The following COX7C variants were observed in gnomAD, a reference collection of about 807,000 sequenced individuals.
COX7C encodes the protein cytochrome c oxidase subunit 7C, mitochondrial.
A neutral mutation model predicts 6.4 loss-of-function variants in COX7C; 1 was observed. That is an observed-to-expected ratio of 0.16 (90% CI 0.06 to 0.74). The LOEUF is 0.74. Among genes scored for constraint, COX7C ranks in the 30% least tolerant of loss-of-function variants. COX7C has a pLI of 0.78. For synonymous variants in COX7C, 24 were observed against 28.9 expected (o/e 0.83, Z 0.54); for missense variants, 54 against 73.7 (o/e 0.73, Z 0.98).
Position 86,617,988 on chromosome 5 carries a change from C to T in COX7C, c.-68C>T, listed in dbSNP as rs977666660. The T allele has an allele frequency of 6.7e-7, 1 of 1,489,098 alleles. No individual in the cohort carries two copies. Among genetic ancestry groups the T allele is most frequent in the Non-Finnish European group, 9.3e-7 (1 of 1,070,158 alleles). The allele number at this position is 1,489,098 out of a possible 1,614,324, so 92.2% of individuals were successfully genotyped here. ...GGAACAAGGTCGTGAAAAAAAAGGT[C>T]TTGGTGAGGTGCCGCCATTTCATCT... On this transcript the variant is annotated 5_prime_UTR_variant, in exon 1 of 3. Transcript: ENST00000247655.
At chr5:86,619,532 C>A in intron 2 of COX7C, 36 bp downstream of exon 2, 1 of 1,077,644 alleles carries the variant, frequency 9.3e-7, no homozygotes. Context: ...TAAAGCAGGC[C>A]TTTTTATTAA....
In COX7C at chr5:86,619,884, A is replaced by AGT. The variant is rs749231857; in HGVS notation, c.*27+388_*27+389insGT. On this transcript the variant is annotated intron_variant, in intron 2 of 2. Transcript: ENST00000247655. ...GAACTCACACTTTTAACCAGGTAAA[A>AGT]CTGATAAACTGATTAATGTTACTCT... 88 of 165,364 alleles carry AGT rather than the reference A, an allele frequency of 5.3e-4. No individual in the cohort carries two copies. The East Asian group carries it at 0.012, about 22-fold the overall frequency. 10.2% of individuals were successfully genotyped at this position (165,364 alleles called of 1,614,324 possible).
chr5:86,619,229 T>C, intron 1 of COX7C, 124 bp from the exon 2 acceptor site: 1 of 670,346 alleles, frequency 1.5e-6, no homozygotes, highest in Non-Finnish European at 2.7e-6. Flanking sequence ...ATGTTATGAT[T>C]TATGGCATAT....
At chr5:86,618,475 C>G (rs976096764) in intron 1 of COX7C, 7 of 282,708 alleles carry the variant, frequency 2.5e-5, no homozygotes, top group African/African-American at 1.5e-4. Context: ...AAATGAAGGT[C>G]ATTGGAAAAT....
In COX7C at chr5:86,619,406, G is replaced by T. The variant is rs751659651; in HGVS notation, c.129G>T (p.Leu43Phe). Residue 43 changes from leucine to phenylalanine, a missense_variant, in exon 2 of 3, where the codon TTG (leucine) becomes TTT (phenylalanine). Physicochemically the swap from Leu to Phe is conservative, Grantham distance 22. Coordinates refer to ENST00000247655, the MANE Select transcript of COX7C (RefSeq NM_001867.3). ...GGTCGTTACTAGCTAAGATGTGTTT[G>T]TACTTTGGATCTGCATTTGCTACAC... ...NKWSLLAKMC[L>F]YFGSAFATPF... is the part of the protein sequence containing the mutation. The T allele has an allele frequency of 1.4e-5, 23 of 1,613,806 alleles. No homozygotes were observed. The highest frequency in any genetic ancestry group is 1.9e-5 in the Non-Finnish European group (23 of 1,179,962).
chr5:86,618,054 G>A lies in COX7C; in HGVS notation c.-2G>A, dbSNP rs1561267947. ...GCCTTTCGCAGAGCTTCCAGCAGCG[G>A]TATGTTGGGCCAGAGCATCCGGAGG... On this transcript the variant is annotated 5_prime_UTR_variant, in exon 1 of 3. Coordinates refer to ENST00000247655, the MANE Select transcript of COX7C (RefSeq NM_001867.3). The A allele has an allele frequency of 6.2e-7, 1 of 1,613,648 alleles. No individual in the cohort carries two copies. The highest frequency in any genetic ancestry group is 8.5e-7 in the Non-Finnish European group (1 of 1,180,000).
chr5:86,619,331 T>C (rs1561268463), intron 1 of COX7C, 22 bp from the exon 2 acceptor site: 8 of 1,434,898 alleles, frequency 5.6e-6, no homozygotes, highest in Non-Finnish European at 7.9e-6. Context: ...TTTCGATTAC[T>C]TTTTCTCTTT....
chr5:86,617,999 G>T lies in COX7C; in HGVS notation c.-57G>T, dbSNP rs932437701. ...GTGAAAAAAAAGGTCTTGGTGAGGT[G>T]CCGCCATTTCATCTGTCCTCATTCT... On this transcript the variant is annotated 5_prime_UTR_variant, in exon 1 of 3. Transcript: ENST00000247655. 29 of 1,554,448 alleles carry T rather than the reference G, an allele frequency of 1.9e-5. No individual in the cohort carries two copies. The Admixed American group carries it at 2.2e-4, about 12-fold the overall frequency.
At chr5:86,619,791 G>A (rs1306929340) in intron 2 of COX7C, 2 of 230,668 alleles carry the variant, frequency 8.7e-6, no homozygotes, top group African/African-American at 4.5e-5. Context: ...GAGATGTTAA[G>A]TTGTTCAACA....
chr5:86,619,587 T>C, intron 2 of COX7C, 91 bp downstream of exon 2: 1 of 724,780 alleles, frequency 1.4e-6, no homozygotes, highest in Non-Finnish European at 2.5e-6. Context: ...AAATACATTG[T>C]TGTGTAGGGC....
chr5:86,620,536 G>T, intron 2 of COX7C, 132 bp from the exon 3 acceptor site: 2 of 295,346 alleles, frequency 6.8e-6, no homozygotes, highest in South Asian at 5.4e-5. Context: ...CAGTATGAAT[G>T]AATTCATGAT....
rs533264828 is a variant in COX7C, at chr5:86,619,370, G to A, written c.93G>A (p.Val31=). 9 of 1,612,076 alleles carry A rather than the reference G, an allele frequency of 5.6e-6. No individual in the cohort carries two copies. In the South Asian group the frequency reaches 9.9e-5, roughly 18 times the overall value. The change falls in exon 2 of 3, where the codon GTG becomes GTA. Residue 31 remains valine (V), a synonymous_variant. Coordinates refer to ENST00000247655, the MANE Select transcript of COX7C (RefSeq NM_001867.3). ...EGPGKNLPFS[V]ENKWSLLAKM... is the part of the protein sequence containing the mutation. Reference sequence around the variant, plus strand: ...TCCAACAGAATTTGCCATTTTCAGTGGAAAACAAGTGGTCGTTACTAGCTA... The same window carrying A: ...TCCAACAGAATTTGCCATTTTCAGTAGAAAACAAGTGGTCGTTACTAGCTA...
chr5:86,618,857 C>T (rs973004252), intron 1 of COX7C, among the ~76,000 whole-genome samples: 1 of 151,898 alleles, frequency 6.6e-6, no homozygotes, highest in East Asian at 1.9e-4. Flanking sequence ...TGGTGTGTGC[C>T]TCTAATCCCA....
chr5:86,620,666 A>T lies in COX7C; in HGVS notation c.*28-2A>T. ...CCATTAATTTCTGTTTTTATTTTGC[A>T]GATATGAAGAGCATTTTAAGAGGTG... On this transcript the variant is annotated splice_acceptor_variant, in intron 2 of 2. Coordinates refer to ENST00000247655, the MANE Select transcript of COX7C (RefSeq NM_001867.3). LOFTEE classifies it low-confidence loss of function (3UTR_SPLICE). 1 of 435,868 alleles carries T rather than the reference A, an allele frequency of 2.3e-6. No individual in the cohort carries two copies. Among genetic ancestry groups the T allele is most frequent in the South Asian group, 1.6e-5 (1 of 62,518 alleles). 27.0% of individuals were successfully genotyped at this position (435,868 alleles called of 1,614,324 possible). A position where few individuals can be genotyped will look rare whatever the true frequency, so the allele number is the denominator to read the frequency against.
intron 1 of COX7C, 134 bp downstream of exon 1, chr5:86,618,264 C>G (rs1750039523): frequency 1.3e-6 from 1 of 784,240 alleles, no homozygotes; most frequent in Non-Finnish European, 2.1e-6. Context: ...GACTAGCATT[C>G]CACTTAGCCC....
intron 2 of COX7C, 156 bp from the exon 3 acceptor site, chr5:86,620,512 G>A (rs544282127): frequency 4.5e-5 from 12 of 266,424 alleles, no homozygotes; most frequent in Middle Eastern, 4.6e-4. Context: ...TGCGGTGCAT[G>A]TGATGAAGCA....
rs567705291 is a variant in COX7C at position 86,618,620 on chromosome 5, A to G, written c.75+490A>G. Among the ~76,000 whole-genome samples, 4 of 152,278 alleles carry G rather than the reference A, an allele frequency of 2.6e-5. No homozygotes were observed. In the South Asian group the frequency reaches 8.3e-4, roughly 32 times the overall value. ...AAATAACTTAAACCACATAGCAGTA[A>G]CAATCTCGGAGGGTCACACGAGGCC... On this transcript the variant is annotated intron_variant, in intron 1 of 2. Coordinates refer to ENST00000247655, the MANE Select transcript of COX7C (RefSeq NM_001867.3).
At chr5:86,619,251 G>T (rs1750067343) in intron 1 of COX7C, 102 bp from the exon 2 acceptor site, 3 of 737,944 alleles carry the variant, frequency 4.1e-6, no homozygotes, top group Non-Finnish European at 7.3e-6. Flanking sequence ...TTAACCTGAT[G>T]ATGTAAAATA....
In COX7C at chr5:86,618,202, G is replaced by T. The variant is rs1561268063; in HGVS notation, c.75+72G>T. On this transcript the variant is annotated intron_variant, in intron 1 of 2. Transcript: ENST00000247655. ...CTGTGACTCGCGCACCTGCAAGGCC[G>T]CCTCCGGGCTGTGGCGTGGGAGATG... The T allele has an allele frequency of 2.1e-6, 3 of 1,404,154 alleles. No individual in the cohort carries two copies. In the East Asian group the frequency reaches 6.9e-5, roughly 32 times the overall value. The allele number at this position is 1,404,154 out of a possible 1,614,324, so 87.0% of individuals were successfully genotyped here.
Sources: allele counts gnomAD v4.1 joint callset (sites outside exome capture counted in the v4.1 genomes callset), GRCh38; gene constraint gnomAD v4.1.1; transcripts MANE v1.5; gene names NCBI Gene and HGNC (gene_info 2026-07-23, HGNC 2026-07-21).